CNTN5: variants seen among roughly 807,000 people sequenced by gnomAD.
CNTN5 encodes contactin 5.
CNTN5 carries 77 observed loss-of-function variants against 129.1 expected under a neutral mutation model. The observed-to-expected ratio is 0.60, with a 90% CI of 0.50 to 0.72. CNTN5 has a LOEUF of 0.72. CNTN5 is among the 30% of genes least tolerant of loss of function. CNTN5 has a pLI of 0.00. For synonymous variants in CNTN5, 509 were observed against 465.6 expected, an observed-to-expected ratio of 1.09 and a Z score of -1.20; for missense variants, 1,478 against 1,328.8, an observed-to-expected ratio of 1.11 and a Z score of -1.75.
chr11:99,472,919 A>G (rs1453041047), intron 2 of CNTN5, among the ~76,000 whole-genome samples: 1 of 152,162 alleles, frequency 6.6e-6, no homozygotes, highest in African/African-American at 2.4e-5. Flanking sequence ...GTTTCATCAA[A>G]TTGAGCTTCT....
intron 4 of CNTN5, among the ~76,000 whole-genome samples, chr11:99,825,564 T>C (rs1946927501): frequency 6.6e-6 from 1 of 152,072 alleles, no homozygotes; most frequent in African/African-American, 2.4e-5. Flanking sequence ...ATGAAGCATA[T>C]TTTGTGGTAA....
chr11:99,233,301 T>C (rs563379541), intron 1 of CNTN5, among the ~76,000 whole-genome samples: 88 of 152,332 alleles, frequency 5.8e-4, no homozygotes, highest in Non-Finnish European at 4.3e-4. Context: ...TTAACTTTCT[T>C]GTAGCCAGTG....
chr11:99,236,466 ACAAACACAC>A (rs1565426458), intron 1 of CNTN5, among the ~76,000 whole-genome samples: 1 of 36,070 alleles, frequency 2.8e-5, no homozygotes, highest in African/African-American at 7.8e-5. Context: ...ACACTCACAC[ACAAACACAC>A]ACACACACAC....
chr11:99,250,220 A>G (rs1341863286), intron 1 of CNTN5, among the ~76,000 whole-genome samples: 2 of 151,936 alleles, frequency 1.3e-5, no homozygotes, highest in Non-Finnish European at 2.9e-5. Flanking sequence ...CCAAAAATCA[A>G]TTAACTTACT....
rs189775427 is a variant in CNTN5, at chr11:99,850,379, G to T, written c.577+5117G>T. On this transcript the variant is annotated intron_variant, in intron 6 of 24. Transcript: ENST00000524871. ...ATAGGTCCTAGCTTTCGCAGAAAAT[G>T]ATGACAAGGAACTGAGTATTGACAC... 6.8e-3 allele frequency among the ~76,000 whole-genome samples: 1,037 copies of T among 152,216 alleles called. 18 individuals carry two copies. Among genetic ancestry groups the T allele is most frequent in the African/African-American group, 0.024 (989 of 41,572 alleles).
At chr11:100,215,718 G>A (rs1949125645) in intron 15 of CNTN5, among the ~76,000 whole-genome samples, 1 of 152,172 alleles carries the variant, frequency 6.6e-6, no homozygotes, top group Admixed American at 6.5e-5. Flanking sequence ...GATATTAAAT[G>A]TAATTCATAT....
At chr11:99,446,085 T>TAAA (rs35641117) in intron 2 of CNTN5, among the ~76,000 whole-genome samples, 74 of 134,922 alleles carry the variant, frequency 5.5e-4, no homozygotes, top group African/African-American at 1.8e-3. Context: ...ACTTTGTCAT[T>TAAA]AAAAAAAAAA....
At chr11:99,618,154 A>T (rs957410958) in intron 3 of CNTN5, among the ~76,000 whole-genome samples, 4 of 152,194 alleles carry the variant, frequency 2.6e-5, no homozygotes, top group Admixed American at 2.0e-4. Context: ...TGGTCTCAGT[A>T]TACCTTTACC....
At chr11:99,486,670 G>C (rs1235063372) in intron 2 of CNTN5, among the ~76,000 whole-genome samples, 2 of 152,152 alleles carry the variant, frequency 1.3e-5, no homozygotes, top group Admixed American at 6.5e-5. Flanking sequence ...AGATTTTCAA[G>C]AGTTTTAGAA....
At chr11:99,116,059 T>G (rs1745705927) in intron 1 of CNTN5, among the ~76,000 whole-genome samples, 2 of 152,314 alleles carry the variant, frequency 1.3e-5, no homozygotes, top group South Asian at 4.1e-4. Flanking sequence ...ATGATCAACT[T>G]TCCCTCCAGC....
At chr11:99,581,927 T>C (rs910192056) in intron 3 of CNTN5, among the ~76,000 whole-genome samples, 1 of 152,180 alleles carries the variant, frequency 6.6e-6, no homozygotes. Context: ...GCCTTGATGG[T>C]CTTTACAATT....
rs1190108510 is a variant in CNTN5 at position 100,356,146 on chromosome 11, C to G, written c.3229C>G (p.Leu1077Val). 2 of 1,610,372 alleles carry G rather than the reference C, an allele frequency of 1.2e-6. No homozygotes were observed. Among genetic ancestry groups the G allele is most frequent in the Middle Eastern group, 1.7e-4 (1 of 6,052 alleles). Residue 1077 changes from leucine to valine, a missense_variant, in exon 25 of 25, where the codon CTT (leucine) becomes GTT (valine). Physicochemically the swap from Leu to Val is conservative, Grantham distance 32. Coordinates refer to ENST00000524871, the MANE Select transcript of CNTN5 (RefSeq NM_014361.4). ...AAAAATCACAAGTGCACAGTCGACC[C>G]TTCACTCTCTCTCCACATCTTCGTC... The part of the protein sequence containing the change: ...GGKITSAQST[L>V]HSLSTSSSSV...
At chr11:99,281,599 A>G (rs1863699040) in intron 1 of CNTN5, among the ~76,000 whole-genome samples, 2 of 151,494 alleles carry the variant, frequency 1.3e-5, no homozygotes, top group African/African-American at 4.9e-5. Context: ...CATTTATGAA[A>G]CTCACGGTCT....
chr11:99,449,959 A>G (rs1246166682), intron 2 of CNTN5, among the ~76,000 whole-genome samples: 2 of 152,204 alleles, frequency 1.3e-5, no homozygotes, highest in African/African-American at 2.4e-5. Flanking sequence ...TTTTAAAATA[A>G]CAATTCTGGA....
intron 2 of CNTN5, among the ~76,000 whole-genome samples, chr11:99,467,783 T>A (rs188759630): frequency 6.6e-6 from 1 of 152,300 alleles, no homozygotes; most frequent in East Asian, 1.9e-4. Context: ...GTTTCTTTCT[T>A]GCTCAAATTA....
chr11:99,869,894 A>G (rs144494088), intron 6 of CNTN5, among the ~76,000 whole-genome samples: 196 of 152,292 alleles, frequency 1.3e-3, no homozygotes, highest in South Asian at 0.012. Flanking sequence ...AATTTTCCAG[A>G]AAGTTTTGAG....
chr11:99,332,958 T>C (rs1416438926), intron 2 of CNTN5, among the ~76,000 whole-genome samples: 1 of 152,076 alleles, frequency 6.6e-6, no homozygotes, highest in East Asian at 1.9e-4. Flanking sequence ...AAAGTTAAAA[T>C]ATCCATACTT....
chr11:100,038,452 G>T (rs1942165192), intron 9 of CNTN5, among the ~76,000 whole-genome samples: 1 of 152,172 alleles, frequency 6.6e-6, no homozygotes, highest in Non-Finnish European at 1.5e-5. Context: ...CTGTTGATTT[G>T]GGGTGGAGAG....
chr11:99,691,599 C>G (rs1252454635), intron 3 of CNTN5, among the ~76,000 whole-genome samples: 1 of 152,118 alleles, frequency 6.6e-6, no homozygotes, highest in Admixed American at 6.6e-5. Context: ...TTTGATTGCA[C>G]TGTGGTCTAA....
Sources: allele counts gnomAD v4.1 joint callset (sites outside exome capture counted in the v4.1 genomes callset), GRCh38; gene constraint gnomAD v4.1.1; transcripts MANE v1.5; gene names NCBI Gene and HGNC (gene_info 2026-07-23, HGNC 2026-07-21).